Variants in TRUB1 observed in about 807,000 individuals in gnomAD.
The protein encoded by TRUB1 is pseudouridylate synthase TRUB1.
A neutral mutation model predicts 33.9 loss-of-function variants in TRUB1; 23 were observed. The ratio of observed to expected loss-of-function variants is 0.68; its 90% confidence interval spans 0.49 to 0.96. The LOEUF is 0.96. TRUB1 is among the 40% of genes least tolerant of loss of function. The pLI is 0.00. For synonymous variants in TRUB1, 163 were observed against 165.4 expected (o/e 0.99, Z 0.11); for missense variants, 378 against 422.2 (o/e 0.90, Z 0.92).
At position 114,977,059 on chromosome 10, in the gene TRUB1, T is replaced by C. The variant is rs990899300; in HGVS notation, c.*1680T>C. On this transcript the variant is annotated 3_prime_UTR_variant, in exon 8 of 8. Coordinates refer to ENST00000298746, the MANE Select transcript of TRUB1 (RefSeq NM_139169.5). Reference sequence around the variant, plus strand: ...GAACACATCAGAGGTATTTCTGCTGTATTTTTCACCTTAAAAATTGACACA... The same window carrying C: ...GAACACATCAGAGGTATTTCTGCTGCATTTTTCACCTTAAAAATTGACACA... 2.6e-5 allele frequency: 4 copies of C among 152,148 alleles called. No individual in the cohort carries two copies. The highest frequency in any genetic ancestry group is 9.7e-5 in the African/African-American group (4 of 41,424). 9.4% of individuals were successfully genotyped at this position (152,148 alleles called of 1,614,324 possible).
At chr10:114,960,929 C>A (rs1300203121) in intron 4 of TRUB1, among the ~76,000 whole-genome samples, 4 of 151,956 alleles carry the variant, frequency 2.6e-5, no homozygotes, top group African/African-American at 7.3e-5. Flanking sequence ...TTTACCAAAC[C>A]ATAATAAGGA....
chr10:114,949,850 C>G (rs1313458681), intron 2 of TRUB1, among the ~76,000 whole-genome samples: 1 of 151,524 alleles, frequency 6.6e-6, no homozygotes, highest in East Asian at 1.9e-4. Context: ...GTCTCTTATT[C>G]CTGTTTCCTC....
chr10:114,964,355 C>T (rs2084297608), intron 4 of TRUB1, among the ~76,000 whole-genome samples: 2 of 151,754 alleles, frequency 1.3e-5, no homozygotes, highest in South Asian at 2.1e-4. Flanking sequence ...TTTTCTTATA[C>T]ATTTGTATGA....
At chr10:114,961,121 T>C (rs2084283620) in intron 4 of TRUB1, among the ~76,000 whole-genome samples, 2 of 152,236 alleles carry the variant, frequency 1.3e-5, no homozygotes, top group Middle Eastern at 3.4e-3. Flanking sequence ...GTTGTAGTTT[T>C]TCCATCTCCA....
chr10:114,942,113 T>C (rs2084190263), intron 1 of TRUB1, among the ~76,000 whole-genome samples: 1 of 152,002 alleles, frequency 6.6e-6, no homozygotes, highest in Admixed American at 6.6e-5. Flanking sequence ...AATTGAAAAT[T>C]TTGGTTAGGA....
At chr10:114,962,981 T>C (rs1438636406) in intron 4 of TRUB1, among the ~76,000 whole-genome samples, 1 of 152,214 alleles carries the variant, frequency 6.6e-6, no homozygotes, top group African/African-American at 2.4e-5. Flanking sequence ...AAGTGTCTGC[T>C]ACTATTGCCA....
chr10:114,938,823 C>G (rs1425210003), intron 1 of TRUB1, among the ~76,000 whole-genome samples: 2 of 152,328 alleles, frequency 1.3e-5, no homozygotes, highest in African/African-American at 4.8e-5. Flanking sequence ...TTTCTGTAAT[C>G]TGATCGATCC....
chr10:114,972,179 T>G lies in TRUB1; in HGVS notation c.641T>G (p.Met214Arg). Residue 214 changes from methionine (M) to arginine (R), a missense_variant, in exon 6 of 8, where the codon ATG (methionine) becomes AGG (arginine). By Grantham distance (91) the Met-to-Arg change is moderately conservative. Coordinates refer to ENST00000298746, the MANE Select transcript of TRUB1 (RefSeq NM_139169.5). The part of the protein sequence containing the change: ...KKDGQRLSTL[M>R]KRGEVVEAKP... ...GATGGACAAAGACTTTCGACTTTGATGAAGAGAGGTGAAGTCGTAGAAGCA... is the reference window on the plus strand; with the variant it reads ...GATGGACAAAGACTTTCGACTTTGAGGAAGAGAGGTGAAGTCGTAGAAGCA... The G allele has an allele frequency of 6.2e-7, 1 of 1,613,692 alleles. No homozygotes were observed. The highest frequency in any genetic ancestry group is 8.5e-7 in the Non-Finnish European group (1 of 1,179,796).
At chr10:114,945,342 A>G (rs1486211161) in intron 2 of TRUB1, among the ~76,000 whole-genome samples, 1 of 152,182 alleles carries the variant, frequency 6.6e-6, no homozygotes, top group Non-Finnish European at 1.5e-5. Flanking sequence ...AGCCTATACC[A>G]GTTGATTAGA....
chr10:114,952,169 T>C (rs1408976829), intron 3 of TRUB1, among the ~76,000 whole-genome samples: 1 of 152,204 alleles, frequency 6.6e-6, no homozygotes, highest in African/African-American at 2.4e-5. Context: ...CCGAGCGTGG[T>C]GTCTCATGCC....
In TRUB1 at chr10:114,966,738, AT is replaced by A. The variant is rs1305579706; in HGVS notation, c.524-3627del. 2.0e-5 allele frequency among the ~76,000 whole-genome samples: 3 copies of A among 152,280 alleles called. No homozygotes were observed. In the East Asian group the frequency reaches 5.8e-4, roughly 29 times the overall value. On this transcript the variant is annotated intron_variant, in intron 4 of 7. Coordinates refer to ENST00000298746, the MANE Select transcript of TRUB1 (RefSeq NM_139169.5). ...GAGTACCTCAAATTCTGAAGTTTCA[AT>A]TTCTAATAGTTCATTGGTGGTATAT...
intron 4 of TRUB1, among the ~76,000 whole-genome samples, chr10:114,960,668 AC>A (rs1419754244): frequency 6.6e-6 from 1 of 152,186 alleles, no homozygotes. Context: ...TAATCAAGCA[AC>A]ATAATGAAAA....
intron 7 of TRUB1, among the ~76,000 whole-genome samples, 180 bp downstream of exon 7, chr10:114,974,565 C>CAGTGAAATG (rs1341810512): frequency 1.3e-5 from 2 of 151,670 alleles, no homozygotes; most frequent in Non-Finnish European, 2.9e-5. Context: ...TCAGCAGCTG[C>CAGTGAAATG]AGTGAAATGT....
chr10:114,956,884 C>G (rs1193301258), intron 3 of TRUB1, among the ~76,000 whole-genome samples: 2 of 152,096 alleles, frequency 1.3e-5, no homozygotes, highest in African/African-American at 4.8e-5. Flanking sequence ...TATAGGAGTT[C>G]TGAAAGCAAA....
rs528979371 is a variant in TRUB1, at chr10:114,969,795, C to G, written c.524-573C>G. 2.0e-5 allele frequency among the ~76,000 whole-genome samples: 3 copies of G among 149,166 alleles called. No homozygotes were observed. In the South Asian group the frequency reaches 6.4e-4, roughly 32 times the overall value. The stretch of plus-strand genomic sequence containing the variant: ...GAAGGGGGAGGCTGGGGCGGGGGGA[C>G]AGATAAATGCAATTTTACTTGACAA... On this transcript the variant is annotated intron_variant, in intron 4 of 7. Coordinates refer to ENST00000298746, the MANE Select transcript of TRUB1 (RefSeq NM_139169.5).
chr10:114,952,763 A>C (rs1007061045), intron 3 of TRUB1, among the ~76,000 whole-genome samples: 1 of 152,206 alleles, frequency 6.6e-6, no homozygotes, highest in African/African-American at 2.4e-5. Flanking sequence ...GGTGTTTGAC[A>C]GTTTCTCAGT....
At position 114,975,475 on chromosome 10, in the gene TRUB1, C is replaced by CTTTTT. The variant is rs35714321; in HGVS notation, c.*104_*108dup. 1 of 995,222 alleles carries CTTTTT rather than the reference C, an allele frequency of 1.0e-6. No individual in the cohort carries two copies. Among genetic ancestry groups the CTTTTT allele is most frequent in the Non-Finnish European group, 1.4e-6 (1 of 726,212 alleles). 61.6% of individuals were successfully genotyped at this position (995,222 alleles called of 1,614,324 possible). On this transcript the variant is annotated 3_prime_UTR_variant, in exon 8 of 8. Transcript: ENST00000298746. ...TGCATTCAAAAGACAAACAATATGT[C>CTTTTT]TTTTTTTTTTTTGCATGAAGAAAAA...
Position 114,938,299 on chromosome 10 carries a change from A to G in TRUB1, c.46A>G (p.Thr16Ala). 1.9e-6 allele frequency: 3 copies of G among 1,614,080 alleles called. No homozygotes were observed. Among genetic ancestry groups the G allele is most frequent in the Non-Finnish European group, 2.5e-6 (3 of 1,180,018 alleles). The change falls in exon 1 of 8, where the codon ACA becomes GCA. Residue 16 changes from threonine (T) to alanine (A), a missense_variant. Transcript: ENST00000298746. The stretch of plus-strand genomic sequence containing the variant: ...GGTGGTGTCTTCGCCGTCTTTGAAA[A>G]CAGACACATCCCCTGTCCTTGAAAC... The part of the protein sequence containing the change: ...AAVVSSPSLK[T>A]DTSPVLETAG...
At chr10:114,964,026 T>C (rs1268044223) in intron 4 of TRUB1, among the ~76,000 whole-genome samples, 1 of 152,044 alleles carries the variant, frequency 6.6e-6, no homozygotes, top group Admixed American at 6.6e-5. Context: ...TGTTCCTGGG[T>C]TATAGAGTGG....
Sources: allele counts gnomAD v4.1 joint callset (sites outside exome capture counted in the v4.1 genomes callset), GRCh38; gene constraint gnomAD v4.1.1; transcripts MANE v1.5; gene names NCBI Gene and HGNC (gene_info 2026-07-23, HGNC 2026-07-21).